The following TET1 variants were observed in gnomAD, a reference collection of about 807,000 sequenced individuals.
TET1 encodes the protein methylcytosine dioxygenase TET1.
Under a neutral mutation model 148.7 loss-of-function variants are expected in TET1, and 13 were observed. The ratio of observed to expected loss-of-function variants is 0.09; its 90% confidence interval spans 0.06 to 0.14. The LOEUF is 0.14. TET1 is among the 10% of genes least tolerant of loss of function. TET1 has a pLI of 1.00. For missense variants in TET1, 2,182 were observed against 2,553.8 expected, an observed-to-expected ratio of 0.85 and a Z score of 3.14; for synonymous variants, 907 against 937.2, an observed-to-expected ratio of 0.97 and a Z score of 0.59.
intron 3 of TET1, among the ~76,000 whole-genome samples, chr10:68,608,711 G>A (rs1184041451): frequency 2.7e-5 from 4 of 150,324 alleles, no homozygotes; most frequent in African/African-American, 4.9e-5. Context: ...ATTTTTTGTA[G>A]TTTTAGTAGA....
chr10:68,685,153 A>C (rs2055492394), intron 10 of TET1, among the ~76,000 whole-genome samples: 1 of 152,094 alleles, frequency 6.6e-6, no homozygotes, highest in Non-Finnish European at 1.5e-5. Context: ...TACTCGAGAG[A>C]CTGAGGCAGG....
intron 6 of TET1, among the ~76,000 whole-genome samples, chr10:68,654,586 C>T (rs916969073): frequency 1.3e-5 from 2 of 152,092 alleles, no homozygotes; most frequent in African/African-American, 2.4e-5. Context: ...CTCTGCACTC[C>T]AGCCTGGGAG....
intron 1 of TET1, among the ~76,000 whole-genome samples, chr10:68,561,016 G>A (rs2053546224): frequency 6.6e-6 from 1 of 152,208 alleles, no homozygotes. Context: ...GCGCCGGGTT[G>A]GGGGCAGCGG....
At chr10:68,672,487 C>CAAAAAAAAAA (rs71483920) in intron 7 of TET1, among the ~76,000 whole-genome samples, 51 of 49,696 alleles carry the variant, frequency 1.0e-3, no homozygotes, top group Non-Finnish European at 1.5e-3. Flanking sequence ...GACCCCATCT[C>CAAAAAAAAAA]AAAAAAAAAA....
At chr10:68,687,112 C>T (rs908268348) in intron 11 of TET1, among the ~76,000 whole-genome samples, 1 of 151,910 alleles carries the variant, frequency 6.6e-6, no homozygotes, top group Non-Finnish European at 1.5e-5. Context: ...TGGTCTCGAT[C>T]TCCTGACCTC....
At chr10:68,616,350 G>A (rs970356160) in intron 3 of TET1, among the ~76,000 whole-genome samples, 9 of 150,372 alleles carry the variant, frequency 6.0e-5, no homozygotes, top group Non-Finnish European at 1.2e-4. Context: ...TTTTGCATTT[G>A]CTGATGATTA....
At chr10:68,662,911 A>G (rs1239316396) in intron 6 of TET1, among the ~76,000 whole-genome samples, 1 of 152,234 alleles carries the variant, frequency 6.6e-6, no homozygotes. Flanking sequence ...ACATAGTGAG[A>G]CACTGTCTCC....
intron 2 of TET1, 55 bp from the exon 3 acceptor site, chr10:68,600,926 G>A: frequency 6.5e-7 from 1 of 1,529,178 alleles, no homozygotes; most frequent in Non-Finnish European, 8.9e-7. Flanking sequence ...TGGGGATGTG[G>A]GAGCTAATTT....
chr10:68,616,675 A>G (rs1399872750), intron 3 of TET1, among the ~76,000 whole-genome samples: 2 of 152,100 alleles, frequency 1.3e-5, no homozygotes, highest in South Asian at 4.1e-4. Flanking sequence ...TGCTGGGATT[A>G]CAGGTGCATG....
chr10:68,632,839 AAAAAAAAAAAAAAG>A (rs2054595429), intron 3 of TET1: 1 of 759,226 alleles, frequency 1.3e-6, no homozygotes, highest in Non-Finnish European at 2.1e-6. Flanking sequence ...AAGTTGTAAA[AAAAAAAAAAAAAAG>A]AAAGAAAACA....
At chr10:68,673,623 G>A (rs149051174) in intron 8 of TET1, 1 of 160,042 alleles carries the variant, frequency 6.2e-6, no homozygotes, top group East Asian at 1.8e-4. Flanking sequence ...GTGGGAGGGG[G>A]TGGGGCACCA....
intron 3 of TET1, among the ~76,000 whole-genome samples, chr10:68,602,067 A>G (rs1345756689): frequency 1.3e-5 from 2 of 152,162 alleles, no homozygotes; most frequent in Non-Finnish European, 2.9e-5. Context: ...AATTTGCCTG[A>G]CCACATTGAG....
intron 6 of TET1, among the ~76,000 whole-genome samples, chr10:68,656,452 C>G (rs189538540): frequency 6.6e-6 from 1 of 152,102 alleles, no homozygotes; most frequent in Non-Finnish European, 1.5e-5. Flanking sequence ...TTAGTAGAGA[C>G]GTGGTTTCAC....
intron 7 of TET1, 41 bp from the exon 8 acceptor site, chr10:68,672,854 A>C (rs201743407): frequency 2.6e-6 from 4 of 1,567,324 alleles, no homozygotes; most frequent in Non-Finnish European, 3.5e-6. Flanking sequence ...GAGGTATTGT[A>C]ATGCTTCATC....
In TET1 at chr10:68,646,107, A is replaced by G. The variant is rs1276550897; in HGVS notation, c.3378A>G (p.Lys1126=). The part of the protein sequence containing the change: ...YNQEKGTIQQ[K]PPSSVHNNHG... ...AGGAGAAGGGCACAATACAACAGAA[A>G]CCACCTTCAAGTGTACACAATAATC... Residue 1126 remains lysine (K), a synonymous_variant, in exon 4 of 12, where the codon AAA becomes AAG. Coordinates refer to ENST00000373644, the MANE Select transcript of TET1 (RefSeq NM_030625.3). 6.2e-7 allele frequency: 1 copy of G among 1,614,036 alleles called. No homozygotes were observed. The highest frequency in any genetic ancestry group is 2.2e-5 in the East Asian group (1 of 44,876).
chr10:68,637,160 C>T (rs1387674601), intron 3 of TET1, among the ~76,000 whole-genome samples: 7 of 151,828 alleles, frequency 4.6e-5, no homozygotes, highest in East Asian at 3.9e-4. Context: ...CACCATGTTC[C>T]GCTAATTTTT....
In TET1 at chr10:68,686,602, G is replaced by A. The variant is rs771725688; in HGVS notation, c.5299G>A (p.Ala1767Thr). ...KRAAMMTEVLAHKIRAVEKKP... is the reference protein window; with the variant it reads ...KRAAMMTEVLTHKIRAVEKKP... ...GGCTGCGATGATGACAGAGGTTCTT[G>A]CACATAAGATAAGGGCAGTGGAAAA... Residue 1767 changes from alanine to threonine, a missense_variant, in exon 11 of 12, where the codon GCA becomes ACA. By Grantham distance (58) the Ala-to-Thr change is moderately conservative. Around this residue, in one of 11 missense-constraint regions of TET1, gnomAD observed 380 missense variants for 387.9 expected, o/e 0.98. Transcript: ENST00000373644. 3 of 1,614,148 alleles carry A rather than the reference G, an allele frequency of 1.9e-6. No individual in the cohort carries two copies. Among genetic ancestry groups the A allele is most frequent in the South Asian group, 1.1e-5 (1 of 91,080 alleles).
intron 3 of TET1, among the ~76,000 whole-genome samples, chr10:68,605,647 G>A (rs2054113654): frequency 6.6e-6 from 1 of 152,018 alleles, no homozygotes; most frequent in African/African-American, 2.4e-5. Context: ...CTAAGAACTG[G>A]GATTACACAC....
intron 3 of TET1, among the ~76,000 whole-genome samples, chr10:68,625,288 T>C (rs974287377): frequency 5.3e-5 from 8 of 152,202 alleles, no homozygotes; most frequent in Non-Finnish European, 1.2e-4. Flanking sequence ...CTCAAGCCGA[T>C]TTGTTTGAAT....
Sources: gnomAD v4.1 joint callset for allele counts (sites outside exome capture counted in the v4.1 genomes callset) on GRCh38, gnomAD v4.1.1 for gene constraint, gnomAD v4.1.1 regional missense constraint, MANE v1.5 for transcripts, NCBI Gene and HGNC (gene_info 2026-07-23, HGNC 2026-07-21) for gene names.